Variants in TENM3 observed in about 807,000 individuals in gnomAD.
The protein encoded by TENM3 is teneurin-3.
Under a neutral mutation model 255.1 loss-of-function variants are expected in TENM3, and 63 were observed. The observed-to-expected ratio is 0.25, with a 90% CI of 0.20 to 0.30. TENM3 has a LOEUF of 0.30. Among genes scored for constraint, TENM3 ranks in the 10% least tolerant of loss-of-function variants. The pLI is 1.00. For synonymous variants in TENM3, 1,306 were observed against 1,322.3 expected, an observed-to-expected ratio of 0.99 and a Z score of 0.27; for missense variants, 2,929 against 3,461.1, an observed-to-expected ratio of 0.85 and a Z score of 3.86.
At chr4:181,750,999 A>G in the TENM3 span, among the ~76,000 whole-genome samples, 3 of 152,174 alleles carry the variant, frequency 2.0e-5, no homozygotes, top group Non-Finnish European at 4.4e-5. Context: ...AAAATATTTC[A>G]GCATGCAATA....
At chr4:182,346,514 C>T (rs1169775120) in intron 2 of TENM3, 137 bp from the exon 3 acceptor site, 13 of 854,338 alleles carry the variant, frequency 1.5e-5, no homozygotes, top group Non-Finnish European at 2.3e-5. Context: ...CTACTGTAAA[C>T]GCCTGGTGCT....
At chr4:181,735,401 AAG>A in the TENM3 span, among the ~76,000 whole-genome samples, 1 of 152,222 alleles carries the variant, frequency 6.6e-6, no homozygotes, top group Non-Finnish European at 1.5e-5. Flanking sequence ...TTTAGATGTC[AAG>A]AAAGTCACTA....
the TENM3 span, among the ~76,000 whole-genome samples, chr4:181,778,395 A>G: frequency 1.1e-4 from 16 of 152,168 alleles, no homozygotes; most frequent in African/African-American, 3.4e-4. Context: ...GTAAGAATTC[A>G]ATTTATAGAA....
chr4:182,760,185 T>TG (rs1350548500), intron 22 of TENM3, among the ~76,000 whole-genome samples: 1 of 152,194 alleles, frequency 6.6e-6, no homozygotes, highest in African/African-American at 2.4e-5. Context: ...GACCGCTTCA[T>TG]GCTGCTCTTC....
At chr4:182,503,987 T>C (rs895519582) in intron 3 of TENM3, among the ~76,000 whole-genome samples, 1 of 151,844 alleles carries the variant, frequency 6.6e-6, no homozygotes, top group Non-Finnish European at 1.5e-5. Flanking sequence ...CTTCATACTA[T>C]CTGACATATT....
the TENM3 span, among the ~76,000 whole-genome samples, chr4:181,522,490 A>AGAC: frequency 6.6e-6 from 1 of 152,200 alleles, no homozygotes; most frequent in East Asian, 1.9e-4. Flanking sequence ...ATTATTAGAA[A>AGAC]GACTGTGGTG....
chr4:182,321,900 G>A lies in TENM3; in HGVS notation c.-75-2046G>A, dbSNP rs185794886. ...GCGGAGGTTGCAGTGAGCCAAGAGC[G>A]CGCCACTGCACTCCAGCCTGGGCAA... On this transcript the variant is annotated intron_variant, in intron 1 of 27. Coordinates refer to ENST00000511685, the MANE Select transcript of TENM3 (RefSeq NM_001080477.4). Among the ~76,000 whole-genome samples the A allele has an allele frequency of 5.1e-4, 78 of 152,002 alleles. 1 individual carries two copies. The highest frequency in any genetic ancestry group is 3.4e-3 in the Middle Eastern group (1 of 294).
At chr4:182,726,886 C>T (rs1760239791) in intron 13 of TENM3, among the ~76,000 whole-genome samples, 1 of 152,072 alleles carries the variant, frequency 6.6e-6, no homozygotes, top group African/African-American at 2.4e-5. Context: ...AAGGAGCAAG[C>T]TAACATTCTA....
chr4:182,013,940 G>GTATATGTA, the TENM3 span, among the ~76,000 whole-genome samples: 24 of 129,582 alleles, frequency 1.9e-4, no homozygotes, highest in Non-Finnish European at 3.5e-4. Context: ...ATCTGTGTGT[G>GTATATGTA]TATATACGTA....
chr4:181,580,043 G>A, the TENM3 span, among the ~76,000 whole-genome samples: 1 of 150,354 alleles, frequency 6.7e-6, no homozygotes, highest in South Asian at 2.1e-4. Flanking sequence ...TCTTGCCCAG[G>A]CTGGAGTGCA....
chr4:182,560,861 ACTC>A (rs145637261), intron 3 of TENM3, among the ~76,000 whole-genome samples: 14,401 of 152,144 alleles, frequency 0.095, 878 homozygotes, highest in Non-Finnish European at 0.13. Context: ...CAAAGATACA[ACTC>A]CTCAGAGAAG....
the TENM3 span, among the ~76,000 whole-genome samples, chr4:181,667,347 C>A: frequency 6.6e-6 from 1 of 152,162 alleles, no homozygotes; most frequent in Non-Finnish European, 1.5e-5. Context: ...TCATGTTATT[C>A]CTCTGTTCAA....
At chr4:182,097,111 G>A in the TENM3 span, among the ~76,000 whole-genome samples, 11 of 152,162 alleles carry the variant, frequency 7.2e-5, no homozygotes, top group Admixed American at 5.2e-4. Flanking sequence ...TTTCGGTGTG[G>A]CTGACAAGGT....
intron 3 of TENM3, among the ~76,000 whole-genome samples, chr4:182,575,334 T>G (rs1240673753): frequency 6.6e-6 from 1 of 152,146 alleles, no homozygotes; most frequent in Non-Finnish European, 1.5e-5. Context: ...TTGGTAAACT[T>G]TTTCTTAAAG....
chr4:181,973,924 C>T, the TENM3 span, among the ~76,000 whole-genome samples: 2 of 152,142 alleles, frequency 1.3e-5, no homozygotes, highest in Non-Finnish European at 2.9e-5. Context: ...ACATAGAGGG[C>T]AATGCCCATG....
chr4:182,502,685 G>C (rs951143877), intron 3 of TENM3, among the ~76,000 whole-genome samples: 2 of 151,996 alleles, frequency 1.3e-5, no homozygotes, highest in African/African-American at 4.8e-5. Context: ...CTCTGAGAAT[G>C]TTACCATTTT....
the TENM3 span, among the ~76,000 whole-genome samples, chr4:181,495,902 T>TAAAAAAA: frequency 8.6e-5 from 10 of 116,842 alleles, no homozygotes; most frequent in Non-Finnish European, 1.4e-4. Context: ...AGAGACAAAT[T>TAAAAAAA]AAAAAAAAAA....
chr4:181,605,584 GGAAAGAAA>G, the TENM3 span, among the ~76,000 whole-genome samples: 1,776 of 69,172 alleles, frequency 0.026, 196 homozygotes, highest in South Asian at 0.031. Flanking sequence ...GAGAAAGAAA[GGAAAGAAA>G]GAAAGAAAGA....
chr4:181,721,507 G>A, the TENM3 span, among the ~76,000 whole-genome samples: 1 of 112,252 alleles, frequency 8.9e-6, no homozygotes, highest in Admixed American at 1.1e-4. Context: ...GGCTGAGGCA[G>A]GAGAATGGCG....
Sources: allele counts gnomAD v4.1 joint callset (sites outside exome capture counted in the v4.1 genomes callset), GRCh38; gene constraint gnomAD v4.1.1; transcripts MANE v1.5; gene names NCBI Gene and HGNC (gene_info 2026-07-23, HGNC 2026-07-21).